The following LRRC57 variants were observed in gnomAD, a reference collection of about 807,000 sequenced individuals.
The protein encoded by LRRC57 is leucine rich repeat containing 57.
LRRC57 carries 14 observed loss-of-function variants against 23.1 expected under a neutral mutation model. The ratio of observed to expected loss-of-function variants is 0.61; its 90% CI spans 0.40 to 0.95. The LOEUF is 0.95. Among genes scored for constraint, LRRC57 ranks in the 40% least tolerant of loss-of-function variants. The pLI is 0.00. For synonymous variants in LRRC57, 106 were observed against 115.2 expected (o/e 0.92, Z 0.51); for missense variants, 236 against 284.4 (o/e 0.83, Z 1.22).
chr15:42,546,509 C>G (rs2057658799), intron 4 of LRRC57, among the ~76,000 whole-genome samples: 1 of 152,090 alleles, frequency 6.6e-6, no homozygotes, highest in Non-Finnish European at 1.5e-5. Flanking sequence ...TGTAAAATCA[C>G]TACAATCTAG....
chr15:42,547,435 T>TAGC lies in LRRC57; in HGVS notation c.317_318insGCT (p.Leu107dup). On this transcript the variant is annotated inframe_insertion, in exon 4 of 6. Transcript: ENST00000397130. Reference sequence around the variant, plus strand: ...GGCTCAGGGTCTTGAGGGCAGAGAGTTGCCCAAAGGTAGACGGCAGCTCTC... The same window carrying TAGC: ...GGCTCAGGGTCTTGAGGGCAGAGAGTAGCTGCCCAAAGGTAGACGGCAGCTCTC... The TAGC allele has an allele frequency of 6.2e-7, 1 of 1,614,010 alleles. No homozygotes were observed. Among genetic ancestry groups the TAGC allele is most frequent in the Admixed American group, 1.7e-5 (1 of 59,982 alleles).
At chr15:42,547,752 T>G in intron 3 of LRRC57, 1 of 558,148 alleles carries the variant, frequency 1.8e-6, no homozygotes, top group Non-Finnish European at 3.1e-6. Context: ...GGGCTCCTTT[T>G]GTAAAGGGGC....
chr15:42,548,066 A>G, intron 3 of LRRC57, 40 bp downstream of exon 3: 1 of 1,611,572 alleles, frequency 6.2e-7, no homozygotes, highest in Non-Finnish European at 8.5e-7. Flanking sequence ...CCCTGGTAAC[A>G]GCTGATCACT....
intron 4 of LRRC57, among the ~76,000 whole-genome samples, chr15:42,545,837 G>A (rs760549726): frequency 2.0e-5 from 3 of 151,992 alleles, no homozygotes; most frequent in Admixed American, 6.6e-5. Flanking sequence ...GTAGCTGTCT[G>A]TAATACTTCA....
At position 42,548,457 on chromosome 15, in the gene LRRC57, C is replaced by T; in HGVS notation, c.-22-1G>A. The stretch of plus-strand genomic sequence containing the variant: ...CATCCTAGCGCCGCGGCTCAGGTCC[C>T]TGCGGGAAGGAAGCGCTGCTGTCAC... On this transcript the variant is annotated splice_acceptor_variant, in intron 1 of 5. Transcript: ENST00000397130. LOFTEE classifies it low-confidence loss of function (5UTR_SPLICE). 6.2e-7 allele frequency: 1 copy of T among 1,611,654 alleles called. No individual in the cohort carries two copies. Among genetic ancestry groups the T allele is most frequent in the Non-Finnish European group, 8.5e-7 (1 of 1,179,572 alleles).
chr15:42,544,842 C>CACACACTATATATA, intron 5 of LRRC57, among the ~76,000 whole-genome samples: 2 of 98,038 alleles, frequency 2.0e-5, no homozygotes, highest in African/African-American at 1.3e-4. Context: ...CACACACACA[C>CACACACTATATATA]TATATATATA....
chr15:42,534,774 C>T (rs1239202413), downstream of LRRC57, among the ~76,000 whole-genome samples: 1 of 152,108 alleles, frequency 6.6e-6, no homozygotes, highest in Non-Finnish European at 1.5e-5. Context: ...TACTCTGATG[C>T]TCACTATCAA....
chr15:42,535,470 G>C (rs1490989346), downstream of LRRC57, among the ~76,000 whole-genome samples: 13 of 148,458 alleles, frequency 8.8e-5, no homozygotes, highest in Non-Finnish European at 1.8e-4. Flanking sequence ...TTTTGAGACA[G>C]AGTCTTGCTC....
chr15:42,528,367 T>C, the LRRC57 span: 1 of 1,614,100 alleles, frequency 6.2e-7, no homozygotes, highest in South Asian at 1.1e-5. Context: ...CGGTGACAAA[T>C]GGTCAGCTTC....
At chr15:42,530,166 G>A in the LRRC57 span, among the ~76,000 whole-genome samples, 5 of 151,960 alleles carry the variant, frequency 3.3e-5, no homozygotes, top group Admixed American at 6.6e-5. Flanking sequence ...TTGCTCTGTC[G>A]CCTAGGGTAG....
chr15:42,533,239 AAACTT>A (rs2057582282), downstream of LRRC57, among the ~76,000 whole-genome samples: 1 of 152,236 alleles, frequency 6.6e-6, no homozygotes, highest in Admixed American at 6.5e-5. Flanking sequence ...GATGGGACTT[AAACTT>A]ACCTTGCTAA....
the LRRC57 span, chr15:42,528,352 A>G: frequency 6.2e-7 from 1 of 1,614,192 alleles, no homozygotes; most frequent in Non-Finnish European, 8.5e-7. Flanking sequence ...CTAAACAGCC[A>G]GGCCCGGTGA....
intron 3 of LRRC57, 137 bp downstream of exon 3, chr15:42,547,969 G>A (rs1298324820): frequency 5.3e-6 from 4 of 761,578 alleles, no homozygotes; most frequent in Non-Finnish European, 8.6e-6. Flanking sequence ...GTAGAAAGAA[G>A]GCTTCAAGGA....
At chr15:42,545,024 C>G in intron 5 of LRRC57, 53 bp downstream of exon 5, 1 of 1,319,324 alleles carries the variant, frequency 7.6e-7, no homozygotes, top group Non-Finnish European at 1.0e-6. Flanking sequence ...ATTACTTCAC[C>G]ATTGTCTTCT....
At chr15:42,544,858 A>ATATC (rs1173358007) in intron 5 of LRRC57, among the ~76,000 whole-genome samples, 1 of 148,884 alleles carries the variant, frequency 6.7e-6, no homozygotes, top group Non-Finnish European at 1.5e-5. Context: ...ATATATATAT[A>ATATC]TCAAAAGACA....
rs991235111 is a variant in LRRC57, at chr15:42,548,760, C to T, written c.-90G>A. ...CAGGACCCGCAGTAGCCGGGATGCGCTCCCCGGCTTAGTCCCGGGCGGGAA... is the reference window on the plus strand; with the variant it reads ...CAGGACCCGCAGTAGCCGGGATGCGTTCCCCGGCTTAGTCCCGGGCGGGAA... On this transcript the variant is annotated 5_prime_UTR_variant, in exon 1 of 6. Coordinates refer to ENST00000397130, the MANE Select transcript of LRRC57 (RefSeq NM_153260.3). 5 of 769,506 alleles carry T rather than the reference C, an allele frequency of 6.5e-6. No homozygotes were observed. Among genetic ancestry groups the T allele is most frequent in the East Asian group, 2.7e-5 (1 of 37,102 alleles). The allele number at this position is 769,506 out of a possible 1,614,324, so 47.7% of individuals were successfully genotyped here. A position where few individuals can be genotyped will look rare whatever the true frequency, so the allele number is the denominator to read the frequency against.
chr15:42,529,960 C>A, the LRRC57 span: 1 of 883,954 alleles, frequency 1.1e-6, no homozygotes, highest in Non-Finnish European at 1.7e-6. Flanking sequence ...GGTGGTGGTT[C>A]TAACACATAA....
downstream of LRRC57, among the ~76,000 whole-genome samples, chr15:42,537,248 C>CACACACACACACACACACACAT (rs898846158): frequency 3.5e-4 from 52 of 149,654 alleles, no homozygotes; most frequent in African/African-American, 1.3e-3. Flanking sequence ...CACACACACA[C>CACACACACACACACACACACAT]ACACACACAC....
downstream of LRRC57, among the ~76,000 whole-genome samples, chr15:42,535,179 C>T (rs2057594308): frequency 6.6e-6 from 1 of 152,224 alleles, no homozygotes; most frequent in African/African-American, 2.4e-5. Flanking sequence ...GGATAACTTG[C>T]TGCAGCTTCT....
Sources: gnomAD v4.1 joint callset for allele counts (sites outside exome capture counted in the v4.1 genomes callset) on GRCh38, gnomAD v4.1.1 for gene constraint, MANE v1.5 for transcripts, NCBI Gene and HGNC (gene_info 2026-07-23, HGNC 2026-07-21) for gene names.